Variants in PPOX observed in about 807,000 individuals in gnomAD.
PPOX encodes protoporphyrinogen oxidase.
PPOX carries 23 observed loss-of-function variants against 54.1 expected under a neutral mutation model. That is an observed-to-expected ratio of 0.43 (90% CI 0.31 to 0.60). The LOEUF is 0.60. Ranked by LOEUF, PPOX falls within the 20% of genes least tolerant of loss-of-function variation. The pLI is 0.13. For missense variants in PPOX, 512 were observed against 601.1 expected, an observed-to-expected ratio of 0.85 and a Z score of 1.55; for synonymous variants, 224 against 236.1, an observed-to-expected ratio of 0.95 and a Z score of 0.47.
chr1:161,169,838 T>C, intron 8 of PPOX, 68 bp from the exon 9 acceptor site: 1 of 1,614,064 alleles, frequency 6.2e-7, no homozygotes, highest in Non-Finnish European at 8.5e-7. Context: ...TATGGGAGTC[T>C]AATCCCAAAG....
intron 4 of PPOX, 109 bp downstream of exon 4, chr1:161,167,595 A>T: frequency 7.8e-7 from 1 of 1,283,710 alleles, no homozygotes; most frequent in Non-Finnish European, 1.0e-6. Flanking sequence ...GAGACGGAGT[A>T]TCGCTCTCGC....
chr1:161,172,761 C>T (rs1415312044), downstream of PPOX, among the ~76,000 whole-genome samples: 1 of 151,902 alleles, frequency 6.6e-6, no homozygotes, highest in Non-Finnish European at 1.5e-5. Flanking sequence ...GGTGCAGTGG[C>T]TCACACCTGC....
upstream of PPOX, chr1:161,166,267 G>T (rs1658847378): frequency 1.0e-6 from 1 of 999,434 alleles, no homozygotes; most frequent in Non-Finnish European, 1.2e-6. Context: ...CTCACTCCCA[G>T]CTCGGCGCTA....
At position 161,170,921 on chromosome 1, in the gene PPOX, G is replaced by A. The variant is rs370738994; in HGVS notation, c.1263G>A (p.Gln421=). ...TCTCTTCTCAGAACTGCATTCCCCA[G>A]TATACACTAGGTCACTGGCAAAAAC... ...LVHLHKNCIP[Q]YTLGHWQKLE... The change falls in exon 12 of 13, where the codon CAG becomes CAA. Residue 421 remains glutamine, a synonymous_variant. Transcript: ENST00000367999. The A allele has an allele frequency of 5.6e-5, 91 of 1,613,910 alleles. No homozygotes were observed. Among genetic ancestry groups the A allele is most frequent in the Non-Finnish European group, 7.4e-5 (87 of 1,180,048 alleles).
downstream of PPOX, chr1:161,173,561 A>T (rs377565818): frequency 1.2e-3 from 1,963 of 1,612,184 alleles, 2 homozygotes; most frequent in Non-Finnish European, 1.6e-3. Flanking sequence ...GAGGACAGGG[A>T]TCCAGACTGG....
downstream of PPOX, chr1:161,177,147 CA>C (rs1663889308): frequency 7.0e-7 from 1 of 1,429,618 alleles, no homozygotes; most frequent in Non-Finnish European, 9.4e-7. Flanking sequence ...CAGAGACAGT[CA>C]GGGGTGGCTG....
Position 161,170,919 on chromosome 1 carries a change from C to T in PPOX, c.1261C>T (p.Gln421Ter), listed in dbSNP as rs1321614073. The T allele has an allele frequency of 6.2e-7, 1 of 1,614,074 alleles. No individual in the cohort carries two copies. The highest frequency in any genetic ancestry group is 8.5e-7 in the Non-Finnish European group (1 of 1,180,030). ...LVHLHKNCIP[Q>*]YTLGHWQKLE... Reference sequence around the variant, plus strand: ...CCTCTCTTCTCAGAACTGCATTCCCCAGTATACACTAGGTCACTGGCAAAA... The same window carrying T: ...CCTCTCTTCTCAGAACTGCATTCCCTAGTATACACTAGGTCACTGGCAAAA... The change falls in exon 12 of 13, where the codon CAG (glutamine) becomes TAG (stop). Residue 421 changes from glutamine (Q) to a stop codon, truncating the protein, a stop_gained. Coordinates refer to ENST00000367999, the MANE Select transcript of PPOX (RefSeq NM_001122764.3). LOFTEE classifies it high-confidence loss of function.
At chr1:161,166,328 T>C (rs1658875538), upstream of PPOX, 1 of 1,030,766 alleles carries the variant, frequency 9.7e-7, no homozygotes, top group Non-Finnish European at 1.2e-6. Context: ...CCTCTGCCAG[T>C]TCAATGTTTT....
downstream of PPOX, chr1:161,171,693 C>G: frequency 7.2e-7 from 1 of 1,379,538 alleles, no homozygotes. Context: ...AGGCCCCTAC[C>G]CCCTAGCACG....
downstream of PPOX, chr1:161,174,871 A>C (rs923900564): frequency 6.1e-5 from 65 of 1,065,416 alleles, no homozygotes; most frequent in Middle Eastern, 2.1e-4. Context: ...GCTTCTCCAC[A>C]CTCTAACAGT....
chr1:161,175,212 C>G (rs1022339994), downstream of PPOX: 11 of 1,612,924 alleles, frequency 6.8e-6, no homozygotes, highest in African/African-American at 1.2e-4. Context: ...GGCTAAAGGA[C>G]ACCGACACAG....
intron 6 of PPOX, 108 bp downstream of exon 6, chr1:161,168,684 G>T: frequency 7.0e-7 from 1 of 1,427,274 alleles, no homozygotes; most frequent in South Asian, 1.2e-5. Context: ...TTGAGACGGA[G>T]TCTTGCTCTG....
Position 161,171,025 on chromosome 1 carries a change from TC to T in PPOX, c.1292-7del, listed in dbSNP as rs1661203520. ...CAGCTAAAACATTCCTTTCATCCTTTCCTTCCAGAGTCAGCTAGGCAATTCC... is the reference window on the plus strand; with the variant it reads ...CAGCTAAAACATTCCTTTCATCCTTTCTTCCAGAGTCAGCTAGGCAATTCC... On this transcript the variant is annotated splice_region_variant and splice_polypyrimidine_tract_variant and intron_variant, in intron 12 of 12. Coordinates refer to ENST00000367999, the MANE Select transcript of PPOX (RefSeq NM_001122764.3). The T allele has an allele frequency of 6.2e-7, 1 of 1,614,176 alleles. No individual in the cohort carries two copies. The highest frequency in any genetic ancestry group is 8.5e-7 in the Non-Finnish European group (1 of 1,180,022).
downstream of PPOX, chr1:161,172,541 A>C: frequency 1.8e-6 from 1 of 545,950 alleles, no homozygotes. Context: ...AGTGCCAGTC[A>C]CCCTAGGGCC....
chr1:161,171,732 T>G, downstream of PPOX: 1 of 1,539,482 alleles, frequency 6.5e-7, no homozygotes, highest in South Asian at 1.2e-5. Context: ...CTCACATCCC[T>G]CTGAGAACAG....
chr1:161,176,752 G>T (rs1663686064), intron 4 of PPOX: 1 of 952,720 alleles, frequency 1.0e-6, no homozygotes. Context: ...AATGATAAGT[G>T]TCAGGTTCAT....
At position 161,167,631 on chromosome 1, in the gene PPOX, C is replaced by A. The variant is rs142977075; in HGVS notation, c.338+145C>A. 860 of 1,114,008 alleles carry A rather than the reference C, an allele frequency of 7.7e-4. 4 individuals are homozygous for A. In the African/African-American group the frequency reaches 0.014, roughly 18 times the overall value. The allele number at this position is 1,114,008 out of a possible 1,614,324, so 69.0% of individuals were successfully genotyped here. On this transcript the variant is annotated intron_variant, in intron 4 of 12. Transcript: ENST00000367999. ...CCAGGATGGAGTGCAATGGCGCGATCTTGGCTCACTGCAACTTCCGCCTTT... is the reference window on the plus strand; with the variant it reads ...CCAGGATGGAGTGCAATGGCGCGATATTGGCTCACTGCAACTTCCGCCTTT...
downstream of PPOX, chr1:161,171,984 G>A (rs1408097541): frequency 1.9e-6 from 3 of 1,614,040 alleles, no homozygotes; most frequent in Admixed American, 3.3e-5. Context: ...TGTCTGCTGT[G>A]ATGTTGGTAT....
chr1:161,167,533 T>C, intron 4 of PPOX, 47 bp downstream of exon 4: 1 of 1,522,440 alleles, frequency 6.6e-7, no homozygotes. Context: ...CATCCTCATA[T>C]GCCTTCCATT....
Sources: gnomAD v4.1 joint callset for allele counts (sites outside exome capture counted in the v4.1 genomes callset) on GRCh38, gnomAD v4.1.1 for gene constraint, MANE v1.5 for transcripts, NCBI Gene and HGNC (gene_info 2026-07-23, HGNC 2026-07-21) for gene names.